Variants in ACACB observed in about 807,000 individuals in gnomAD.
The protein encoded by ACACB is acetyl-CoA carboxylase beta, also known as acetyl-CoA carboxylase 2.
ACACB carries 209 observed loss-of-function variants against 278.8 expected under a neutral mutation model. The observed-to-expected ratio is 0.75, with a 90% CI of 0.67 to 0.84. The LOEUF (loss-of-function observed/expected upper bound fraction) is 0.84. Among genes scored for constraint, ACACB ranks in the 40% least tolerant of loss-of-function variants. ACACB has a pLI of 0.00. For synonymous variants in ACACB, 1,174 were observed against 1,285.6 expected, an observed-to-expected ratio of 0.91 and a Z score of 1.86; for missense variants, 2,850 against 3,269.0, an observed-to-expected ratio of 0.87 and a Z score of 3.13.
chr12:109,187,530 G>C lies in ACACB; in HGVS notation c.1981-469G>C, dbSNP rs1398988478. 2.6e-5 allele frequency among the ~76,000 whole-genome samples: 4 copies of C among 151,736 alleles called. No homozygotes were observed. In the East Asian group the frequency reaches 7.8e-4, roughly 29 times the overall value. On this transcript the variant is annotated intron_variant, in intron 12 of 52. Coordinates refer to ENST00000338432, the MANE Select transcript of ACACB (RefSeq NM_001093.4). ...GGCGGGAGTGCAGTGGCGTAGTCATGCCTCACTGCAGCCTAATCTCCTGGG... is the reference window on the plus strand; with the variant it reads ...GGCGGGAGTGCAGTGGCGTAGTCATCCCTCACTGCAGCCTAATCTCCTGGG...
At chr12:109,242,725 C>T (rs577586783) in intron 37 of ACACB, 133 bp downstream of exon 37, 16 of 1,083,912 alleles carry the variant, frequency 1.5e-5, no homozygotes, top group Middle Eastern at 2.6e-4. Flanking sequence ...CGGTGGCTCA[C>T]GCCTATAATC....
intron 17 of ACACB, among the ~76,000 whole-genome samples, chr12:109,199,144 C>T (rs1485075195): frequency 2.6e-5 from 4 of 151,252 alleles, no homozygotes; most frequent in African/African-American, 7.3e-5. Flanking sequence ...GAGCCGAGAT[C>T]GCGCCACTGC....
chr12:109,179,236 A>G lies in ACACB; in HGVS notation c.1586A>G (p.Lys529Arg). The G allele has an allele frequency of 6.2e-7, 1 of 1,614,108 alleles. No individual in the cohort carries two copies. Among genetic ancestry groups the G allele is most frequent in the Non-Finnish European group, 8.5e-7 (1 of 1,180,034 alleles). The change falls in exon 10 of 53, where the codon AAG becomes AGG. Residue 529 changes from lysine to arginine, a missense_variant. Physicochemically the swap from Lys to Arg is conservative, Grantham distance 26. Transcript: ENST00000338432. Reference sequence around the variant, plus strand: ...TGCTCCATCCAGCGGCGGCATCAGAAGATCGTTGAGGAAGCACCGGCCACC... The same window carrying G: ...TGCTCCATCCAGCGGCGGCATCAGAGGATCGTTGAGGAAGCACCGGCCACC... ...RDCSIQRRHQ[K>R]IVEEAPATIA...
intron 13 of ACACB, among the ~76,000 whole-genome samples, chr12:109,189,718 G>A (rs571856831): frequency 6.6e-6 from 1 of 152,246 alleles, no homozygotes; most frequent in African/African-American, 2.4e-5. Flanking sequence ...GGATACCCTT[G>A]TATGACCTTA....
In ACACB at chr12:109,256,073, C is replaced by G. The variant is rs2047216076; in HGVS notation, c.6167-67C>G. On this transcript the variant is annotated intron_variant, in intron 44 of 52. Transcript: ENST00000338432. ...TGTCCTTAGGGAGCTTTTGCACAGC[C>G]AGGAGTGTCCTGGGGGCCCCCAGCC... The G allele has an allele frequency of 5.4e-6, 7 of 1,292,044 alleles. No homozygotes were observed. In the African/African-American group the frequency reaches 1.0e-4, roughly 19 times the overall value. 80.0% of individuals were successfully genotyped at this position (1,292,044 alleles called of 1,614,324 possible). A position where few individuals can be genotyped will look rare whatever the true frequency, so the allele number is the denominator to read the frequency against.
rs79101119 is a variant in ACACB, at chr12:109,265,882, G to T, written c.7251-354G>T. 7.2e-3 allele frequency among the ~76,000 whole-genome samples: 1,099 copies of T among 152,390 alleles called. 14 individuals are homozygous for T. Among genetic ancestry groups the T allele is most frequent in the African/African-American group, 0.024 (1,004 of 41,600 alleles). ...CTTCAGGCTGCTGTCTTCCACGCCA[G>T]TGTTGACCTTTCCAGAGGGTCCCCT... On this transcript the variant is annotated intron_variant, in intron 52 of 52. Coordinates refer to ENST00000338432, the MANE Select transcript of ACACB (RefSeq NM_001093.4).
chr12:109,133,339 TC>T (rs1298572964), intron 1 of ACACB, among the ~76,000 whole-genome samples: 1 of 151,964 alleles, frequency 6.6e-6, no homozygotes, highest in Non-Finnish European at 1.5e-5. Context: ...CAAGCAATTC[TC>T]CTGCCTCAGC....
At chr12:109,142,687 C>T (rs2043149494) in intron 2 of ACACB, among the ~76,000 whole-genome samples, 1 of 152,172 alleles carries the variant, frequency 6.6e-6, no homozygotes. Context: ...CTGCTTCAGC[C>T]TCCCAAGTAG....
chr12:109,221,960 G>A (rs1459349894), intron 24 of ACACB, among the ~76,000 whole-genome samples: 1 of 149,580 alleles, frequency 6.7e-6, no homozygotes, highest in Non-Finnish European at 1.5e-5. Context: ...TCAGCTCACT[G>A]CAACCTCCAC....
rs2044383332 is a variant in ACACB, at chr12:109,179,316, A to C, written c.1647+19A>C. The C allele has an allele frequency of 6.2e-7, 1 of 1,608,326 alleles. No homozygotes were observed. The highest frequency in any genetic ancestry group is 1.1e-5 in the South Asian group (1 of 90,232). ...GGAGCAGGTACACTTCTCAGAGCCC[A>C]GGGGGCAGCTTCAGAGAGAGCCGTC... is the stretch of plus-strand genomic sequence containing the variant. On this transcript the variant is annotated intron_variant, in intron 10 of 52. Transcript: ENST00000338432.
intron 44 of ACACB, among the ~76,000 whole-genome samples, chr12:109,254,552 C>A (rs1328896201): frequency 6.6e-6 from 1 of 152,060 alleles, no homozygotes; most frequent in Non-Finnish European, 1.5e-5. Context: ...GTGGAAACAG[C>A]CTCCAGTTTC....
rs2044887569 is a variant in ACACB at position 109,191,650 on chromosome 12, G to A, written c.2182G>A (p.Gly728Ser). The A allele has an allele frequency of 6.2e-6, 10 of 1,614,172 alleles. No individual in the cohort carries two copies. The highest frequency in any genetic ancestry group is 8.5e-6 in the Non-Finnish European group (10 of 1,180,026). The change falls in exon 14 of 53, where the codon GGC (glycine) becomes AGC (serine). Residue 728 changes from glycine (G) to serine (S), a missense_variant. By Grantham distance (56) the Gly-to-Ser change is moderately conservative. Around this residue, in one of 3 missense-constraint regions of ACACB, gnomAD observed 2,265 missense variants for 2,561.3 expected, o/e 0.88. Coordinates refer to ENST00000338432, the MANE Select transcript of ACACB (RefSeq NM_001093.4). ...VVALKELSIR[G>S]DFRTTVEYLI... ...GGCTTTGAAGGAACTGTCCATCCGA[G>A]GCGACTTTAGGACTACCGTGGAATA...
intron 19 of ACACB, among the ~76,000 whole-genome samples, chr12:109,203,705 GT>G (rs2045407284): frequency 6.6e-6 from 1 of 152,220 alleles, no homozygotes; most frequent in Non-Finnish European, 1.5e-5. Context: ...CAGAGTGTCT[GT>G]CATGTGACCC....
At position 109,193,975 on chromosome 12, in the gene ACACB, A is replaced by G. The variant is rs561323934; in HGVS notation, c.2481+246A>G. Among the ~76,000 whole-genome samples the G allele has an allele frequency of 3.0e-4, 46 of 152,320 alleles. 1 individual carries two copies. On this transcript the variant is annotated intron_variant, in intron 16 of 52. Coordinates refer to ENST00000338432, the MANE Select transcript of ACACB (RefSeq NM_001093.4). ...ATAAGTTTCCTGTAGCTGCGGTAACAAGGTACCACAAACTGGTTTAAACCA... is the reference window on the plus strand; with the variant it reads ...ATAAGTTTCCTGTAGCTGCGGTAACGAGGTACCACAAACTGGTTTAAACCA...
In ACACB at chr12:109,250,106, T is replaced by C; in HGVS notation, c.5790+2T>C. 1 of 1,592,370 alleles carries C rather than the reference T, an allele frequency of 6.3e-7. No homozygotes were observed. Among genetic ancestry groups the C allele is most frequent in the African/African-American group, 1.4e-5 (1 of 73,740 alleles). ...GAAGAGATCGTCACCATTAGCTTGG[T>C]GAGTCTTCTTCTATTTTCTCTTACT... is the stretch of plus-strand genomic sequence containing the variant. On this transcript the variant is annotated splice_donor_variant, in intron 41 of 52. Transcript: ENST00000338432. LOFTEE classifies it high-confidence loss of function.
intron 1 of ACACB, among the ~76,000 whole-genome samples, chr12:109,130,824 C>T (rs1040962721): frequency 6.6e-6 from 1 of 152,166 alleles, no homozygotes; most frequent in African/African-American, 2.4e-5. Flanking sequence ...GATACTGTTG[C>T]TTCTCTTTCC....
chr12:109,149,097 T>C (rs2043309124), intron 2 of ACACB, among the ~76,000 whole-genome samples: 1 of 152,084 alleles, frequency 6.6e-6, no homozygotes, highest in Non-Finnish European at 1.5e-5. Flanking sequence ...CAGAGCACCA[T>C]TTGAACCCAG....
Position 109,266,272 on chromosome 12 carries a change from T to G in ACACB, c.7287T>G (p.Cys2429Trp). The change falls in exon 53 of 53, where the codon TGT becomes TGG. Residue 2429 changes from cysteine (C) to tryptophan (W), a missense_variant. Cys to Trp is a radical substitution (Grantham distance 215, BLOSUM62 -2). Coordinates refer to ENST00000338432, the MANE Select transcript of ACACB (RefSeq NM_001093.4). ...AAAACCCCGAGGTGGCCGTGGACTG[T>G]GTGATATACCTGAGCCAGCACATCA... ...VEENPEVAVDCVIYLSQHISP... is the reference protein window; with the variant it reads ...VEENPEVAVDWVIYLSQHISP... The G allele has an allele frequency of 6.2e-7, 1 of 1,613,864 alleles. No individual in the cohort carries two copies. Among genetic ancestry groups the G allele is most frequent in the Non-Finnish European group, 8.5e-7 (1 of 1,179,940 alleles).
chr12:109,150,516 T>A (rs552688757), intron 2 of ACACB, among the ~76,000 whole-genome samples: 1 of 152,254 alleles, frequency 6.6e-6, no homozygotes, highest in South Asian at 2.1e-4. Flanking sequence ...TTTACGACCA[T>A]GTTGGGATCA....
Sources: allele counts gnomAD v4.1 joint callset (sites outside exome capture counted in the v4.1 genomes callset), GRCh38; gene constraint gnomAD v4.1.1; regional missense constraint gnomAD v4.1.1; transcripts MANE v1.5; gene names NCBI Gene and HGNC (gene_info 2026-07-23, HGNC 2026-07-21).